Variants in ZNF804A observed in about 807,000 individuals in gnomAD.
ZNF804A encodes the protein zinc finger protein 804A.
A neutral mutation model predicts 16.5 loss-of-function variants in ZNF804A; 2 were observed. The observed-to-expected ratio is 0.12, with a 90% CI of 0.05 to 0.38. The LOEUF (loss-of-function observed/expected upper bound fraction) is 0.38. Among genes scored for constraint, ZNF804A ranks in the 10% least tolerant of loss-of-function variants. ZNF804A has a pLI of 0.99. For synonymous variants in ZNF804A, 534 were observed against 489.6 expected, an observed-to-expected ratio of 1.09 and a Z score of -1.20; for missense variants, 1,473 against 1,390.7, an observed-to-expected ratio of 1.06 and a Z score of -0.94.
chr2:184,886,427 T>C (rs1203224188), intron 2 of ZNF804A, among the ~76,000 whole-genome samples: 3 of 152,166 alleles, frequency 2.0e-5, no homozygotes, highest in Admixed American at 1.3e-4. Context: ...TGATCTGCCA[T>C]TCTGGGATCT....
chr2:184,765,471 A>T (rs1694107418), intron 1 of ZNF804A, among the ~76,000 whole-genome samples: 1 of 152,118 alleles, frequency 6.6e-6, no homozygotes, highest in Non-Finnish European at 1.5e-5. Flanking sequence ...TTATCTATAG[A>T]TTACAGACAT....
At chr2:184,787,762 G>A (rs1694471174) in intron 1 of ZNF804A, among the ~76,000 whole-genome samples, 1 of 149,792 alleles carries the variant, frequency 6.7e-6, no homozygotes, top group Non-Finnish European at 1.5e-5. Context: ...GACCTTTATT[G>A]GAGACATAAT....
intron 1 of ZNF804A, among the ~76,000 whole-genome samples, chr2:184,767,999 C>T (rs1461517412): frequency 5.3e-5 from 8 of 152,028 alleles, no homozygotes; most frequent in Middle Eastern, 6.8e-3. Flanking sequence ...AAATGGTAAA[C>T]CAAATATATA....
intron 1 of ZNF804A, among the ~76,000 whole-genome samples, chr2:184,612,109 G>A (rs1004958326): frequency 3.9e-5 from 6 of 152,062 alleles, no homozygotes; most frequent in African/African-American, 1.4e-4. Flanking sequence ...AATGTTCATG[G>A]AGTACATTAT....
At chr2:184,676,272 T>A (rs2105715813) in intron 1 of ZNF804A, among the ~76,000 whole-genome samples, 1 of 150,378 alleles carries the variant, frequency 6.6e-6, no homozygotes, top group South Asian at 2.1e-4. Context: ...ATTATTTAGC[T>A]AGGATATAGA....
Position 184,717,804 on chromosome 2 carries a change from C to A in ZNF804A, c.111+118734C>A, listed in dbSNP as rs528768396. Among the ~76,000 whole-genome samples, 3 of 152,174 alleles carry A rather than the reference C, an allele frequency of 2.0e-5. No homozygotes were observed. The East Asian group carries it at 5.8e-4, about 29-fold the overall frequency. On this transcript the variant is annotated intron_variant, in intron 1 of 3. Transcript: ENST00000302277. ...TGTGTCTATCACTTCAAGTATTTATCATTTCTATTTGTTTTTAACGTTTCA... is the reference window on the plus strand; with the variant it reads ...TGTGTCTATCACTTCAAGTATTTATAATTTCTATTTGTTTTTAACGTTTCA...
At chr2:184,704,486 C>A (rs1692987161) in intron 1 of ZNF804A, among the ~76,000 whole-genome samples, 1 of 152,016 alleles carries the variant, frequency 6.6e-6, no homozygotes, top group Middle Eastern at 3.2e-3. Context: ...ATAGGAAGGA[C>A]ATTGAAAGAG....
intron 1 of ZNF804A, among the ~76,000 whole-genome samples, chr2:184,807,235 C>T (rs1694821785): frequency 6.6e-6 from 1 of 151,800 alleles, no homozygotes; most frequent in South Asian, 2.1e-4. Context: ...GACGCAAAGC[C>T]TAGTGTCAAC....
At chr2:184,674,180 C>T (rs1287612538) in intron 1 of ZNF804A, among the ~76,000 whole-genome samples, 1 of 151,902 alleles carries the variant, frequency 6.6e-6, no homozygotes, top group Admixed American at 6.6e-5. Context: ...TGTTTCATCG[C>T]AGTGCAACAG....
chr2:184,822,574 T>G (rs896587764), intron 1 of ZNF804A, among the ~76,000 whole-genome samples: 8 of 151,896 alleles, frequency 5.3e-5, no homozygotes, highest in Non-Finnish European at 1.2e-4. Flanking sequence ...AATTTAAGAG[T>G]TGAGTGAAAG....
At chr2:184,844,687 G>T (rs1695487964) in intron 1 of ZNF804A, among the ~76,000 whole-genome samples, 1 of 150,798 alleles carries the variant, frequency 6.6e-6, no homozygotes, top group African/African-American at 2.4e-5. Flanking sequence ...TTATGTGTTT[G>T]TTGTTGCTGT....
intron 1 of ZNF804A, among the ~76,000 whole-genome samples, chr2:184,715,754 ATAACTT>A (rs1188827632): frequency 1.3e-5 from 2 of 152,230 alleles, no homozygotes; most frequent in East Asian, 3.9e-4. Flanking sequence ...AAATATTTCT[ATAACTT>A]TATCAATTTT....
chr2:184,690,236 A>C (rs1692707158), intron 1 of ZNF804A, among the ~76,000 whole-genome samples: 1 of 151,944 alleles, frequency 6.6e-6, no homozygotes, highest in Admixed American at 6.6e-5. Context: ...AGCTATCATA[A>C]ATATGACAGG....
chr2:184,753,485 G>A (rs1406095747), intron 1 of ZNF804A, among the ~76,000 whole-genome samples: 1 of 151,626 alleles, frequency 6.6e-6, no homozygotes, highest in Non-Finnish European at 1.5e-5. Flanking sequence ...TTAAAAAAAT[G>A]GGTCAAAAAC....
rs367814142 is a variant in ZNF804A at position 184,772,921 on chromosome 2, CA to C, written c.112-93447del. ...AAATACATACACACACACACACACA[CA>C]CCCCACACACATATATATACATATA... On this transcript the variant is annotated intron_variant, in intron 1 of 3. Coordinates refer to ENST00000302277, the MANE Select transcript of ZNF804A (RefSeq NM_194250.2). 4.2e-3 allele frequency among the ~76,000 whole-genome samples: 620 copies of C among 148,640 alleles called. 7 individuals carry two copies. The highest frequency in any genetic ancestry group is 0.021 in the East Asian group (102 of 4,918).
At chr2:184,787,455 T>G in intron 1 of ZNF804A, among the ~76,000 whole-genome samples, 1 of 151,998 alleles carries the variant, frequency 6.6e-6, no homozygotes, top group East Asian at 1.9e-4. Context: ...GAGGTTGAAC[T>G]ACTTTGCATT....
chr2:184,707,718 C>A (rs1260581067), intron 1 of ZNF804A, among the ~76,000 whole-genome samples: 2 of 152,040 alleles, frequency 1.3e-5, no homozygotes, highest in African/African-American at 4.8e-5. Flanking sequence ...ATTTTCATAT[C>A]TTTGTTATTG....
intron 1 of ZNF804A, among the ~76,000 whole-genome samples, chr2:184,634,744 CCT>C (rs1419025226): frequency 6.6e-6 from 1 of 152,140 alleles, no homozygotes; most frequent in Non-Finnish European, 1.5e-5. Context: ...GTTAATAAAA[CCT>C]GTTTCCAACC....
At chr2:184,688,328 C>T (rs1439404383) in intron 1 of ZNF804A, among the ~76,000 whole-genome samples, 1 of 138,282 alleles carries the variant, frequency 7.2e-6, no homozygotes, top group East Asian at 2.0e-4. Flanking sequence ...CTTTTTCTTT[C>T]TCTCTCTCTC....
Sources: gnomAD v4.1 joint callset for allele counts (sites outside exome capture counted in the v4.1 genomes callset) on GRCh38, gnomAD v4.1.1 for gene constraint, MANE v1.5 for transcripts, NCBI Gene and HGNC (gene_info 2026-07-23, HGNC 2026-07-21) for gene names.